PLD5: variants seen among roughly 807,000 people sequenced by gnomAD.
PLD5 encodes inactive phospholipase D5.
Under a neutral mutation model 61.1 loss-of-function variants are expected in PLD5, and 36 were observed. The observed-to-expected ratio is 0.59, with a 90% CI of 0.45 to 0.78. The LOEUF is 0.78. PLD5 is among the 30% of genes least tolerant of loss of function. The pLI is 0.00. For synonymous variants in PLD5, 243 were observed against 242.8 expected, an observed-to-expected ratio of 1.00 and a Z score of -0.01; for missense variants, 515 against 644.4, an observed-to-expected ratio of 0.80 and a Z score of 2.17.
intron 9 of PLD5, among the ~76,000 whole-genome samples, chr1:242,093,880 CT>C (rs536194348): frequency 1.5e-3 from 230 of 151,202 alleles, no homozygotes; most frequent in African/African-American, 5.2e-3. Context: ...TGAAATATAG[CT>C]TTTTTTTTCC....
At chr1:242,232,355 A>G (rs1288158758) in intron 4 of PLD5, among the ~76,000 whole-genome samples, 1 of 152,224 alleles carries the variant, frequency 6.6e-6, no homozygotes, top group Non-Finnish European at 1.5e-5. Context: ...CTGAAGATAA[A>G]AGTATTTTGC....
At chr1:242,357,830 G>C (rs1162806501) in intron 1 of PLD5, among the ~76,000 whole-genome samples, 1 of 151,980 alleles carries the variant, frequency 6.6e-6, no homozygotes, top group Non-Finnish European at 1.5e-5. Flanking sequence ...TATGTTTTCT[G>C]GCCCTTTTAC....
At chr1:242,372,906 C>G (rs1661719486) in intron 1 of PLD5, among the ~76,000 whole-genome samples, 2 of 152,110 alleles carry the variant, frequency 1.3e-5, no homozygotes, top group African/African-American at 2.4e-5. Flanking sequence ...GTCTAAAACA[C>G]CAAAAGCAAC....
intron 3 of PLD5, among the ~76,000 whole-genome samples, chr1:242,279,551 T>C (rs577700125): frequency 2.0e-5 from 3 of 151,992 alleles, no homozygotes; most frequent in Admixed American, 6.6e-5. Flanking sequence ...TTTTTTTTTT[T>C]CGAGACCGAG....
intron 1 of PLD5, among the ~76,000 whole-genome samples, chr1:242,452,651 A>G (rs1666823382): frequency 6.6e-6 from 1 of 152,128 alleles, no homozygotes. Context: ...CTCCATCTCT[A>G]CAAAAAATAA....
chr1:242,191,340 G>T (rs2840621), intron 5 of PLD5, among the ~76,000 whole-genome samples: 123,962 of 152,118 alleles, frequency 0.81, 50,705 homozygotes, highest in South Asian at 0.94. Context: ...AATCCCAGCA[G>T]TTTAGAAGGC....
chr1:242,113,649 A>G (rs1448517089), intron 7 of PLD5, among the ~76,000 whole-genome samples: 5 of 152,170 alleles, frequency 3.3e-5, no homozygotes, highest in Admixed American at 3.3e-4. Flanking sequence ...TCTCATTTCC[A>G]TAATGTAAAC....
chr1:242,104,699 T>C (rs909079844), intron 8 of PLD5, among the ~76,000 whole-genome samples: 1 of 152,194 alleles, frequency 6.6e-6, no homozygotes, highest in South Asian at 2.1e-4. Context: ...TTAAGTTTTT[T>C]TGTAGAGATG....
At chr1:242,318,361 C>T (rs1658154349) in intron 2 of PLD5, among the ~76,000 whole-genome samples, 1 of 152,156 alleles carries the variant, frequency 6.6e-6, no homozygotes, top group Non-Finnish European at 1.5e-5. Context: ...TGCTATTTTT[C>T]CGACTCCTCT....
intron 5 of PLD5, among the ~76,000 whole-genome samples, chr1:242,168,987 G>A (rs12077659): frequency 0.061 from 9,290 of 151,134 alleles, 971 homozygotes; most frequent in African/African-American, 0.21. Context: ...CACAACATAC[G>A]TAATTAAGAA....
chr1:242,413,197 C>G (rs1327172611), intron 1 of PLD5, among the ~76,000 whole-genome samples: 3 of 152,174 alleles, frequency 2.0e-5, no homozygotes, highest in African/African-American at 4.8e-5. Context: ...CTCTGACCAG[C>G]CTTTTCCTCT....
At chr1:242,452,902 A>C (rs1666832788) in intron 1 of PLD5, among the ~76,000 whole-genome samples, 1 of 152,112 alleles carries the variant, frequency 6.6e-6, no homozygotes, top group African/African-American at 2.4e-5. Context: ...AACAACTAAA[A>C]ATCCAGGTAC....
At chr1:242,271,179 TAC>T (rs375177006) in intron 3 of PLD5, among the ~76,000 whole-genome samples, 20 of 95,800 alleles carry the variant, frequency 2.1e-4, no homozygotes, top group African/African-American at 8.7e-4. Context: ...CATGTGCATG[TAC>T]ACACACACAC....
chr1:242,128,362 A>C (rs1037794129), intron 5 of PLD5, among the ~76,000 whole-genome samples: 6 of 151,878 alleles, frequency 4.0e-5, no homozygotes, highest in Admixed American at 2.6e-4. Context: ...TGTTTCTCAG[A>C]AGTATTTGTC....
intron 1 of PLD5, among the ~76,000 whole-genome samples, chr1:242,463,315 C>T (rs1462897086): frequency 6.6e-6 from 1 of 152,218 alleles, no homozygotes; most frequent in Non-Finnish European, 1.5e-5. Flanking sequence ...CTTTGTTGCA[C>T]TTGCTTGTCA....
At chr1:242,497,463 C>G (rs1307693917) in intron 1 of PLD5, among the ~76,000 whole-genome samples, 2 of 152,102 alleles carry the variant, frequency 1.3e-5, no homozygotes, top group Non-Finnish European at 2.9e-5. Context: ...TATGTATGGG[C>G]CACATCCTTT....
chr1:242,494,104 C>CCCTCT (rs1335698498), intron 1 of PLD5, among the ~76,000 whole-genome samples: 7 of 121,548 alleles, frequency 5.8e-5, no homozygotes, highest in African/African-American at 2.2e-4. Context: ...CCCTCTCCTC[C>CCCTCT]CCTCTCCTCC....
chr1:242,281,449 G>A (rs1037195008), intron 3 of PLD5, among the ~76,000 whole-genome samples: 4 of 152,128 alleles, frequency 2.6e-5, no homozygotes, highest in African/African-American at 9.7e-5. Context: ...CAAAAATTAG[G>A]AGGGACTGTA....
chr1:242,114,132 CA>C, intron 6 of PLD5, 106 bp from the exon 7 acceptor site: 3 of 1,270,286 alleles, frequency 2.4e-6, no homozygotes, highest in Non-Finnish European at 3.2e-6. Context: ...TATATTTTTG[CA>C]AACCTAATTT....
Sources: allele counts gnomAD v4.1 joint callset (sites outside exome capture counted in the v4.1 genomes callset), GRCh38; gene constraint gnomAD v4.1.1; transcripts MANE v1.5; gene names NCBI Gene and HGNC (gene_info 2026-07-23, HGNC 2026-07-21).